HPSE: variants seen among roughly 807,000 people sequenced by gnomAD.
HPSE encodes heparanase.
HPSE carries 48 observed loss-of-function variants against 65.1 expected under a neutral mutation model. The observed-to-expected ratio is 0.74, with a 90% CI of 0.58 to 0.94. The LOEUF is 0.94. Among genes scored for constraint, HPSE ranks in the 40% least tolerant of loss-of-function variants. The pLI is 0.00. For synonymous variants in HPSE, 243 were observed against 260.0 expected, an observed-to-expected ratio of 0.93 and a Z score of 0.63; for missense variants, 644 against 637.5, an observed-to-expected ratio of 1.01 and a Z score of -0.11.
chr4:83,330,828 T>C (rs1254142395), intron 1 of HPSE, among the ~76,000 whole-genome samples: 7 of 152,224 alleles, frequency 4.6e-5, no homozygotes, highest in Non-Finnish European at 8.8e-5. Flanking sequence ...ACTATGCTTG[T>C]ATACGTGTCT....
intron 3 of HPSE, among the ~76,000 whole-genome samples, chr4:83,314,267 A>C (rs1417130714): frequency 9.2e-4 from 49 of 53,166 alleles, no homozygotes; most frequent in Non-Finnish European, 1.5e-3. Flanking sequence ...CAAAAAAAAA[A>C]ACAAAAAAAC....
In HPSE at chr4:83,301,012, G is replaced by A; in HGVS notation, c.1420C>T (p.Gln474Ter). The A allele has an allele frequency of 6.2e-7, 1 of 1,608,628 alleles. No individual in the cohort carries two copies. Among genetic ancestry groups the A allele is most frequent in the Non-Finnish European group, 8.5e-7 (1 of 1,176,000 alleles). ...GGTCTTAGAAGGTATTTATCCACTTGCTTGTTAGAAAAAGGATAGGGTAAC... is the reference window on the plus strand; with the variant it reads ...GGTCTTAGAAGGTATTTATCCACTTACTTGTTAGAAAAAGGATAGGGTAAC... ...LRLPYPFSNKQVDKYLLRPLG... is the reference protein window; with the variant it reads ...LRLPYPFSNK Residue 474 changes from glutamine (Q) to a stop codon, truncating the protein, a stop_gained, in exon 11 of 12, where the codon CAA becomes TAA. Transcript: ENST00000311412. LOFTEE classifies it high-confidence loss of function.
chr4:83,328,964 G>A (rs1390010099), intron 1 of HPSE, among the ~76,000 whole-genome samples: 1 of 152,174 alleles, frequency 6.6e-6, no homozygotes, highest in Non-Finnish European at 1.5e-5. Flanking sequence ...TTGATGACAG[G>A]AGGAAAAGGA....
At position 83,294,026 on chromosome 4, in the gene HPSE, C is replaced by A. The variant is rs567172722; in HGVS notation, c.*1318G>T. ...CTTAAAACTCATAATATATCCTTCG[C>A]TTCCTTGCTTCCTGACCATATTAGG... On this transcript the variant is annotated 3_prime_UTR_variant, in exon 12 of 12. Coordinates refer to ENST00000311412, the MANE Select transcript of HPSE (RefSeq NM_001098540.3). 5 of 152,174 alleles carry A rather than the reference C, an allele frequency of 3.3e-5. No homozygotes were observed. The highest frequency in any genetic ancestry group is 2.6e-4 in the Admixed American group (4 of 15,278). The allele number at this position is 152,174 out of a possible 1,614,324, so 9.4% of individuals were successfully genotyped here. A position where few individuals can be genotyped will look rare whatever the true frequency, so the allele number is the denominator to read the frequency against.
chr4:83,304,982 A>G lies in HPSE; in HGVS notation c.1206+1221T>C, dbSNP rs141639979. 8.4e-4 allele frequency among the ~76,000 whole-genome samples: 128 copies of G among 152,326 alleles called. 3 individuals carry two copies. Among genetic ancestry groups the G allele is most frequent in the African/African-American group, 3.0e-3 (126 of 41,560 alleles). On this transcript the variant is annotated intron_variant, in intron 9 of 11. Coordinates refer to ENST00000311412, the MANE Select transcript of HPSE (RefSeq NM_001098540.3). ...CAATTTGAACTTCCTTATCTAAAAA[A>G]TGGATCCAAGATACCTGCCTTGCCA...
chr4:83,312,254 A>G (rs558098743), intron 4 of HPSE, among the ~76,000 whole-genome samples: 11 of 152,368 alleles, frequency 7.2e-5, no homozygotes, highest in Admixed American at 7.2e-4. Context: ...CAAATGTAAC[A>G]TAAACTGGGA....
chr4:83,332,444 G>T (rs371471406), intron 1 of HPSE, among the ~76,000 whole-genome samples: 1 of 152,220 alleles, frequency 6.6e-6, no homozygotes, highest in South Asian at 2.1e-4. Flanking sequence ...CAAGCGAAGC[G>T]GGCTGGAACA....
chr4:83,297,827 A>G (rs1180172639), intron 11 of HPSE, among the ~76,000 whole-genome samples: 2 of 152,234 alleles, frequency 1.3e-5, no homozygotes, highest in Non-Finnish European at 2.9e-5. Context: ...TCAGGAAACC[A>G]CAAACAAAAA....
At chr4:83,328,239 C>T (rs372560905) in intron 1 of HPSE, among the ~76,000 whole-genome samples, 53 of 152,278 alleles carry the variant, frequency 3.5e-4, no homozygotes, top group African/African-American at 1.3e-3. Context: ...AGTGGCAGGG[C>T]CATACTCCCT....
chr4:83,331,852 T>C (rs1382716808), intron 1 of HPSE, among the ~76,000 whole-genome samples: 1 of 152,224 alleles, frequency 6.6e-6, no homozygotes, highest in Non-Finnish European at 1.5e-5. Context: ...CTACTCTCTT[T>C]CCTTTAAAAA....
At chr4:83,308,766 C>T (rs1165044446) in intron 8 of HPSE, 79 bp downstream of exon 8, 1 of 1,080,148 alleles carries the variant, frequency 9.3e-7, no homozygotes, top group Non-Finnish European at 1.4e-6. Flanking sequence ...TGCTTTTTGG[C>T]TGGGGAGCTA....
intron 1 of HPSE, among the ~76,000 whole-genome samples, chr4:83,331,309 T>C (rs1475472150): frequency 6.6e-6 from 1 of 152,214 alleles, no homozygotes. Flanking sequence ...AAATACCTCA[T>C]TAATATTTTT....
intron 2 of HPSE, among the ~76,000 whole-genome samples, chr4:83,320,573 A>G (rs1001917063): frequency 2.6e-5 from 4 of 151,898 alleles, no homozygotes; most frequent in Admixed American, 1.3e-4. Context: ...CTCAAAAAAA[A>G]AAAAAAGAAA....
chr4:83,310,125 T>G, intron 5 of HPSE, 47 bp from the exon 6 acceptor site: 1 of 1,268,326 alleles, frequency 7.9e-7, no homozygotes, highest in Non-Finnish European at 1.2e-6. Context: ...TACATATATA[T>G]GCACAATATA....
intron 1 of HPSE, among the ~76,000 whole-genome samples, chr4:83,322,789 T>TATG (rs1560514324): frequency 1.9e-5 from 2 of 104,004 alleles, no homozygotes; most frequent in African/African-American, 7.3e-5. Flanking sequence ...AAGAGCTTGT[T>TATG]TGTGTGTGTG....
chr4:83,312,677 CA>C lies in HPSE; in HGVS notation c.673+436del, dbSNP rs148023447. ...TGGGCGACAGAGCGAGACTCCGTCT[CA>C]AAAAAAAAAAAAAAAAAGTGTCATA... is the stretch of plus-strand genomic sequence containing the variant. On this transcript the variant is annotated intron_variant, in intron 4 of 11. Coordinates refer to ENST00000311412, the MANE Select transcript of HPSE (RefSeq NM_001098540.3). Among the ~76,000 whole-genome samples, 292 of 97,198 alleles carry C rather than the reference CA, an allele frequency of 3.0e-3. 2 individuals carry two copies. The highest frequency in any genetic ancestry group is 0.011 in the African/African-American group (266 of 23,898). The allele number at this position is 97,198 out of a possible 152,430, so 63.8% of individuals were successfully genotyped here.
chr4:83,332,311 C>G (rs1737404752), intron 1 of HPSE, among the ~76,000 whole-genome samples: 1 of 152,238 alleles, frequency 6.6e-6, no homozygotes, highest in Admixed American at 6.5e-5. Flanking sequence ...CCCTCACACT[C>G]TAATTTAGAA....
rs531127380 is a variant in HPSE, at chr4:83,322,438, T to C, written c.228-74A>G. 2.4e-6 allele frequency: 3 copies of C among 1,245,918 alleles called. No individual in the cohort carries two copies. The Admixed American group carries it at 7.4e-5, about 31-fold the overall frequency. 77.2% of individuals were successfully genotyped at this position (1,245,918 alleles called of 1,614,324 possible). ...CTAGTCAAACATTCTTACTTCCTTC[T>C]TTCCTGGTGGACCTATTTCTTAACA... is the stretch of plus-strand genomic sequence containing the variant. On this transcript the variant is annotated intron_variant, in intron 1 of 11. Coordinates refer to ENST00000311412, the MANE Select transcript of HPSE (RefSeq NM_001098540.3).
chr4:83,326,710 A>G lies in HPSE; in HGVS notation c.228-4346T>C, dbSNP rs1484235673. Among the ~76,000 whole-genome samples the G allele has an allele frequency of 6.6e-6, 1 of 152,196 alleles. No homozygotes were observed. The highest frequency in any genetic ancestry group is 1.5e-5 in the Non-Finnish European group (1 of 68,024). ...TAAAACCAAGATGAGGAACTTCCTC[A>G]GAGAGAACCACTCCAGGCTGGCCCT... is the stretch of plus-strand genomic sequence containing the variant. On this transcript the variant is annotated intron_variant, in intron 1 of 11. Transcript: ENST00000311412. The surrounding 1 kb of genome is among the most constrained non-coding windows in gnomAD (Gnocchi z 4.2).
Sources: gnomAD v4.1 joint callset for allele counts (sites outside exome capture counted in the v4.1 genomes callset) on GRCh38, gnomAD v4.1.1 for gene constraint, Gnocchi (gnomAD v3.1) non-coding constraint, MANE v1.5 for transcripts, NCBI Gene and HGNC (gene_info 2026-07-23, HGNC 2026-07-21) for gene names.